The following CPNE4 variants were observed in gnomAD, a reference collection of about 807,000 sequenced individuals.
The protein encoded by CPNE4 is copine-4.
In CPNE4, 25 loss-of-function variants were observed where a neutral mutation model predicts 67.9. That is an observed-to-expected ratio of 0.37 (90% CI 0.27 to 0.51). The LOEUF (loss-of-function observed/expected upper bound fraction) is 0.51. Ranked by LOEUF, CPNE4 falls within the 20% of genes least tolerant of loss-of-function variation. The pLI, the probability that CPNE4 is intolerant of heterozygous loss-of-function variation, is 0.93. For missense variants in CPNE4, 464 were observed against 690.8 expected, an observed-to-expected ratio of 0.67 and a Z score of 3.68; for synonymous variants, 242 against 244.9, an observed-to-expected ratio of 0.99 and a Z score of 0.11.
At chr3:131,997,816 G>T (rs1186277507) in intron 1 of CPNE4, among the ~76,000 whole-genome samples, 2 of 152,228 alleles carry the variant, frequency 1.3e-5, no homozygotes, top group Admixed American at 6.6e-5. Flanking sequence ...ATGCCAGGCT[G>T]CAGTGTTAAC....
intron 1 of CPNE4, among the ~76,000 whole-genome samples, chr3:131,999,708 G>A (rs773026323): frequency 6.6e-6 from 1 of 151,912 alleles, no homozygotes; most frequent in Non-Finnish European, 1.5e-5. Context: ...AATTTTAGTG[G>A]TAGAACTGGC....
intron 1 of CPNE4, among the ~76,000 whole-genome samples, chr3:131,958,129 T>C (rs532638800): frequency 3.4e-4 from 52 of 152,332 alleles, no homozygotes; most frequent in African/African-American, 1.2e-3. Flanking sequence ...TGACAATAGG[T>C]AACTTTACAG....
chr3:131,958,701 T>C (rs1317925804), intron 1 of CPNE4, among the ~76,000 whole-genome samples: 1 of 141,756 alleles, frequency 7.1e-6, no homozygotes, highest in East Asian at 2.1e-4. Context: ...CTTGGCTCAC[T>C]GCAACCTCCA....
chr3:131,687,341 T>A (rs1280310627), intron 5 of CPNE4, among the ~76,000 whole-genome samples: 1 of 152,202 alleles, frequency 6.6e-6, no homozygotes, highest in Non-Finnish European at 1.5e-5. Flanking sequence ...TCCTCAGCAT[T>A]TTCCATAGTG....
chr3:131,964,807 A>G (rs1044827890), intron 1 of CPNE4, among the ~76,000 whole-genome samples: 1 of 152,178 alleles, frequency 6.6e-6, no homozygotes, highest in African/African-American at 2.4e-5. Flanking sequence ...ACTTCAGGAT[A>G]TTGTCTAGGA....
intron 7 of CPNE4, among the ~76,000 whole-genome samples, chr3:131,667,625 TTTC>T (rs1190087449): frequency 6.6e-6 from 1 of 152,034 alleles, no homozygotes; most frequent in East Asian, 1.9e-4. Flanking sequence ...TTTTCTTTCC[TTTC>T]TTCTTTTTTT....
At chr3:131,904,340 T>C (rs2088664688) in intron 2 of CPNE4, among the ~76,000 whole-genome samples, 1 of 152,092 alleles carries the variant, frequency 6.6e-6, no homozygotes, top group Non-Finnish European at 1.5e-5. Context: ...GCAGGATTCA[T>C]CTTTCTCCAG....
intron 2 of CPNE4, among the ~76,000 whole-genome samples, chr3:131,830,414 A>T (rs1195729391): frequency 6.6e-6 from 1 of 151,938 alleles, no homozygotes; most frequent in Non-Finnish European, 1.5e-5. Flanking sequence ...GATCATTGTT[A>T]TTCTATCTCC....
At chr3:131,845,785 G>GT (rs2085973604) in intron 2 of CPNE4, among the ~76,000 whole-genome samples, 1 of 152,180 alleles carries the variant, frequency 6.6e-6, no homozygotes, top group Non-Finnish European at 1.5e-5. Context: ...CTGGCCTGAA[G>GT]TTTATGTAGA....
chr3:131,607,029 C>T (rs1294518156), intron 7 of CPNE4, among the ~76,000 whole-genome samples: 2 of 151,056 alleles, frequency 1.3e-5, no homozygotes, highest in Non-Finnish European at 2.9e-5. Context: ...ACAAGAAAAC[C>T]AAAAATTTGT....
rs373500235 is a variant in CPNE4 at position 131,700,620 on chromosome 3, T to C, written c.361-640A>G. Among the ~76,000 whole-genome samples the C allele has an allele frequency of 5.9e-5, 9 of 152,290 alleles. No individual in the cohort carries two copies. In the East Asian group the frequency reaches 1.7e-3, roughly 29 times the overall value. ...CTCTTTTTCCTCTTTCTTCCTTTTT[T>C]GAAAGAGAAGTTTGACAAGGCATTG... is the stretch of plus-strand genomic sequence containing the variant. On this transcript the variant is annotated intron_variant, in intron 3 of 15. Coordinates refer to ENST00000429747, the MANE Select transcript of CPNE4 (RefSeq NM_130808.3).
intron 1 of CPNE4, among the ~76,000 whole-genome samples, chr3:131,998,950 G>A (rs1372748782): frequency 6.6e-6 from 1 of 151,996 alleles, no homozygotes; most frequent in Non-Finnish European, 1.5e-5. Context: ...ATTACCGGAT[G>A]ATGAGAAATG....
chr3:131,781,119 C>T (rs1332802498), intron 2 of CPNE4, among the ~76,000 whole-genome samples: 7 of 152,016 alleles, frequency 4.6e-5, no homozygotes, highest in Non-Finnish European at 8.8e-5. Flanking sequence ...CAAATCAATT[C>T]ATTTCTGCCT....
At chr3:131,656,358 T>C (rs1363781326) in intron 7 of CPNE4, among the ~76,000 whole-genome samples, 1 of 152,190 alleles carries the variant, frequency 6.6e-6, no homozygotes. Flanking sequence ...ACTGATGTGA[T>C]GGAAACATTA....
intron 7 of CPNE4, among the ~76,000 whole-genome samples, chr3:131,631,100 A>G (rs2079209512): frequency 6.6e-6 from 1 of 152,252 alleles, no homozygotes; most frequent in African/African-American, 2.4e-5. Context: ...AATTGCATGC[A>G]GAATGACATA....
chr3:131,970,249 A>G (rs1381666331), intron 1 of CPNE4, among the ~76,000 whole-genome samples: 10 of 152,300 alleles, frequency 6.6e-5, no homozygotes, highest in Middle Eastern at 3.4e-3. Context: ...TCAGTGAGTG[A>G]AGACACACCA....
chr3:131,653,279 G>T lies in CPNE4; in HGVS notation c.681+16396C>A, dbSNP rs565591037. ...CCTGCCTCAGCCTCCTGAGTAGCTG[G>T]GACTAGAGGTTCTTGCCACCACGCC... On this transcript the variant is annotated intron_variant, in intron 7 of 15. Transcript: ENST00000429747. Among the ~76,000 whole-genome samples the T allele has an allele frequency of 2.6e-5, 4 of 151,732 alleles. No individual in the cohort carries two copies. In the East Asian group the frequency reaches 7.8e-4, roughly 29 times the overall value.
Position 131,990,823 on chromosome 3 carries a change from A to G in CPNE4, c.-2+43744T>C, listed in dbSNP as rs568890237. Among the ~76,000 whole-genome samples the G allele has an allele frequency of 1.5e-5, 2 of 135,982 alleles. 1 individual carries two copies. The highest frequency in any genetic ancestry group is 5.1e-4 in the South Asian group (2 of 3,922). The allele number at this position is 135,982 out of a possible 152,430, so 89.2% of individuals were successfully genotyped here. ...AATCTCATCTTGAATTATAATTCCC[A>G]TAATCCCCATGTGTCATGGGAGGGA... On this transcript the variant is annotated intron_variant, in intron 1 of 15. Coordinates refer to ENST00000429747, the MANE Select transcript of CPNE4 (RefSeq NM_130808.3).
chr3:131,679,448 G>A (rs1197058375), intron 6 of CPNE4, among the ~76,000 whole-genome samples: 1 of 151,802 alleles, frequency 6.6e-6, no homozygotes, highest in Non-Finnish European at 1.5e-5. Flanking sequence ...TTTGATTTTG[G>A]TTATTTCTTG....
Sources: allele counts gnomAD v4.1 joint callset (sites outside exome capture counted in the v4.1 genomes callset), GRCh38; gene constraint gnomAD v4.1.1; transcripts MANE v1.5; gene names NCBI Gene and HGNC (gene_info 2026-07-23, HGNC 2026-07-21).